Variants in CFAP58 observed in about 807,000 individuals in gnomAD.
CFAP58 encodes the protein cilia and flagella associated protein 58.
A neutral mutation model predicts 119.5 loss-of-function variants in CFAP58; 88 were observed. That is an observed-to-expected ratio of 0.74 (90% CI 0.62 to 0.88). The LOEUF (loss-of-function observed/expected upper bound fraction) is 0.88, where lower values mean the gene tolerates loss of function less well. Ranked by LOEUF, CFAP58 falls within the 40% of genes least tolerant of loss-of-function variation. The pLI, the probability that CFAP58 is intolerant of heterozygous loss-of-function variation, is 0.00. For missense variants in CFAP58, 990 were observed against 1,021.2 expected (o/e 0.97, Z 0.42); for synonymous variants, 365 against 366.3 (o/e 1.00, Z 0.04).
At position 104,437,966 on chromosome 10, in the gene CFAP58, TA is replaced by T. The variant is rs200436774; in HGVS notation, c.2257-9723del. On this transcript the variant is annotated intron_variant, in intron 15 of 17. Coordinates refer to ENST00000369704, the MANE Select transcript of CFAP58 (RefSeq NM_001008723.2). The stretch of plus-strand genomic sequence containing the variant: ...GAATATATAAATAATTACAAATCAG[TA>T]AAAAAAAATACTATATGTGAACAGG... 6.6e-5 allele frequency among the ~76,000 whole-genome samples: 10 copies of T among 150,680 alleles called. No homozygotes were observed. The East Asian group carries it at 7.8e-4, about 12-fold the overall frequency.
chr10:104,340,746 A>G, the CFAP58 span, among the ~76,000 whole-genome samples: 1 of 152,226 alleles, frequency 6.6e-6, no homozygotes, highest in African/African-American at 2.4e-5. Context: ...ATATAAGCCC[A>G]AATGACTAAG....
At chr10:104,439,183 G>A (rs928824352) in intron 15 of CFAP58, among the ~76,000 whole-genome samples, 7 of 152,212 alleles carry the variant, frequency 4.6e-5, no homozygotes, top group Non-Finnish European at 1.0e-4. Flanking sequence ...AAGGGAGTAC[G>A]CAGTAGCTTC....
At chr10:104,415,447 G>T (rs980665667) in intron 15 of CFAP58, among the ~76,000 whole-genome samples, 1 of 152,140 alleles carries the variant, frequency 6.6e-6, no homozygotes, top group African/African-American at 2.4e-5. Flanking sequence ...TTCCCCACTG[G>T]TTGATTGTTG....
At chr10:104,443,784 T>TGACC (rs1371481346) in intron 15 of CFAP58, among the ~76,000 whole-genome samples, 2 of 152,216 alleles carry the variant, frequency 1.3e-5, no homozygotes, top group Non-Finnish European at 2.9e-5. Flanking sequence ...CATAGGCTGT[T>TGACC]CAGAATATGT....
intron 13 of CFAP58, among the ~76,000 whole-genome samples, chr10:104,403,017 C>G (rs1022611285): frequency 2.0e-5 from 3 of 152,172 alleles, no homozygotes; most frequent in Non-Finnish European, 4.4e-5. Flanking sequence ...TAGAGACATT[C>G]AGAAACATTA....
At chr10:104,399,208 C>A in intron 11 of CFAP58, 152 bp from the exon 12 acceptor site, 1 of 617,228 alleles carries the variant, frequency 1.6e-6, no homozygotes, top group East Asian at 3.2e-5. Context: ...GTGTTGTAAG[C>A]TTGTTTTGCT....
chr10:104,363,289 G>T (rs568910809), intron 3 of CFAP58, among the ~76,000 whole-genome samples: 1 of 152,256 alleles, frequency 6.6e-6, no homozygotes, highest in South Asian at 2.1e-4. Context: ...GCACTGTGTG[G>T]GGCATGCAAA....
chr10:104,451,385 A>G (rs1236078379), intron 17 of CFAP58, among the ~76,000 whole-genome samples: 1 of 152,206 alleles, frequency 6.6e-6, no homozygotes, highest in African/African-American at 2.4e-5. Flanking sequence ...TACTGCTATA[A>G]TTTAGATAAG....
chr10:104,438,983 ATAT>A (rs1346054704), intron 15 of CFAP58, among the ~76,000 whole-genome samples: 1 of 152,238 alleles, frequency 6.6e-6, no homozygotes, highest in Non-Finnish European at 1.5e-5. Flanking sequence ...TCTTAGAACC[ATAT>A]TATTGAGGAA....
chr10:104,412,671 A>G (rs898686539), intron 15 of CFAP58, among the ~76,000 whole-genome samples: 2 of 152,148 alleles, frequency 1.3e-5, no homozygotes, highest in Non-Finnish European at 2.9e-5. Flanking sequence ...TAACTGTTTA[A>G]TCTGTTATGT....
At chr10:104,418,543 G>A (rs749929248) in intron 15 of CFAP58, among the ~76,000 whole-genome samples, 5 of 152,120 alleles carry the variant, frequency 3.3e-5, no homozygotes, top group African/African-American at 7.2e-5. Flanking sequence ...GCGAGACTCC[G>A]CCTCAAAACA....
intron 14 of CFAP58, among the ~76,000 whole-genome samples, chr10:104,405,134 C>A (rs1041845171): frequency 9.2e-5 from 14 of 152,248 alleles, no homozygotes; most frequent in African/African-American, 3.4e-4. Context: ...AAACATGAGG[C>A]CTGAATTTTA....
chr10:104,383,670 C>T (rs778126352), intron 9 of CFAP58, among the ~76,000 whole-genome samples: 15 of 152,196 alleles, frequency 9.9e-5, no homozygotes, highest in Middle Eastern at 3.4e-3. Flanking sequence ...TCAGTTGCTA[C>T]GCAACTTGTG....
At chr10:104,407,552 C>G (rs558309809) in intron 15 of CFAP58, among the ~76,000 whole-genome samples, 20 of 152,196 alleles carry the variant, frequency 1.3e-4, no homozygotes, top group South Asian at 4.1e-4. Context: ...ACCTGATGTT[C>G]TTAGTCTGTA....
At chr10:104,390,095 A>G (rs1160603453) in intron 9 of CFAP58, among the ~76,000 whole-genome samples, 1 of 152,224 alleles carries the variant, frequency 6.6e-6, no homozygotes, top group African/African-American at 2.4e-5. Flanking sequence ...GAAAATATAT[A>G]TGTCTTTTGA....
At chr10:104,414,321 C>T (rs1040968200) in intron 15 of CFAP58, among the ~76,000 whole-genome samples, 1 of 152,222 alleles carries the variant, frequency 6.6e-6, no homozygotes, top group Non-Finnish European at 1.5e-5. Context: ...TAGTTTACAA[C>T]CTCTAGCTTC....
chr10:104,341,951 C>T, the CFAP58 span, among the ~76,000 whole-genome samples: 1 of 152,192 alleles, frequency 6.6e-6, no homozygotes, highest in Non-Finnish European at 1.5e-5. Flanking sequence ...TCCTTCACCC[C>T]TATTCTTTTT....
intron 15 of CFAP58, among the ~76,000 whole-genome samples, chr10:104,411,449 G>A (rs192161250): frequency 6.6e-6 from 1 of 151,920 alleles, no homozygotes; most frequent in Non-Finnish European, 1.5e-5. Flanking sequence ...TGAAGTTCTC[G>A]AGGGGTTTTC....
chr10:104,378,013 GT>G (rs1236996093), intron 8 of CFAP58, among the ~76,000 whole-genome samples: 1 of 152,050 alleles, frequency 6.6e-6, no homozygotes, highest in Non-Finnish European at 1.5e-5. Flanking sequence ...CAACCAATAG[GT>G]TTTCTGCCAT....
Sources: gnomAD v4.1 joint callset for allele counts (sites outside exome capture counted in the v4.1 genomes callset) on GRCh38, gnomAD v4.1.1 for gene constraint, MANE v1.5 for transcripts, NCBI Gene and HGNC (gene_info 2026-07-23, HGNC 2026-07-21) for gene names.